The following DNAH5 variants were observed in gnomAD, a reference collection of about 807,000 sequenced individuals.
DNAH5 encodes dynein axonemal heavy chain 5.
Under a neutral mutation model 518.2 loss-of-function variants are expected in DNAH5, and 372 were observed. The observed-to-expected ratio is 0.72, with a 90% CI of 0.66 to 0.78. The LOEUF is 0.78. Among genes scored for constraint, DNAH5 ranks in the 30% least tolerant of loss-of-function variants. The pLI is 0.00. For missense variants in DNAH5, 5,523 were observed against 5,687.0 expected (o/e 0.97, Z 0.93); for synonymous variants, 2,039 against 2,025.9 (o/e 1.01, Z -0.17).
At position 13,913,776 on chromosome 5, in the gene DNAH5, A is replaced by G. The variant is rs3213936; in HGVS notation, c.1503T>C (p.Ile501=). The G allele has an allele frequency of 0.4, 638,064 of 1,612,792 alleles. 132,613 individuals are homozygous for G. Among genetic ancestry groups the G allele is most frequent in the East Asian group, 0.84 (37,748 of 44,830 alleles). ...KTYSVLQDST[I]EGLEDMATKY... ...TAGTGGCCATGTCTTCCAGCCCTTC[A>G]ATTGTGGAATCTTGCAGGACTGAAT... Residue 501 remains isoleucine (I), a synonymous_variant, in exon 11 of 79, where the codon ATT becomes ATC. Coordinates refer to ENST00000265104, the MANE Select transcript of DNAH5 (RefSeq NM_001369.3).
rs1763368057 is a variant in DNAH5 at position 13,829,618 on chromosome 5, C to A, written c.6336G>T (p.Gln2112His). ...TAGCCAACTTCACCCTTATGATAAT[C>A]TGACGGTCAGGCACCATCATGGCCA... ...RSVAMMVPDR[Q>H]IIIRVKLASC... Residue 2112 changes from glutamine (Q) to histidine (H), a missense_variant, in exon 38 of 79, where the codon CAG becomes CAT. Transcript: ENST00000265104. 1 of 1,614,090 alleles carries A rather than the reference C, an allele frequency of 6.2e-7. No individual in the cohort carries two copies. Among genetic ancestry groups the A allele is most frequent in the African/African-American group, 1.3e-5 (1 of 74,938 alleles).
intron 76 of DNAH5, among the ~76,000 whole-genome samples, chr5:13,704,874 T>G (rs1031656018): frequency 4.6e-5 from 7 of 151,122 alleles, no homozygotes; most frequent in Admixed American, 2.6e-4. Context: ...GAGGGTGGAG[T>G]GAGGAGGGAG....
intron 52 of DNAH5, among the ~76,000 whole-genome samples, chr5:13,781,632 A>C (rs972394775): frequency 6.6e-6 from 1 of 151,956 alleles, no homozygotes; most frequent in Non-Finnish European, 1.5e-5. Flanking sequence ...TCGCTTTTGC[A>C]TCTTCCTCAT....
At chr5:13,995,938 T>C (rs758350899) in intron 1 of DNAH5, among the ~76,000 whole-genome samples, 5 of 152,220 alleles carry the variant, frequency 3.3e-5, no homozygotes, top group African/African-American at 1.2e-4. Context: ...TTTACAGATT[T>C]GTACCCTACA....
At chr5:13,895,565 G>T (rs1489152969) in intron 15 of DNAH5, among the ~76,000 whole-genome samples, 2 of 152,264 alleles carry the variant, frequency 1.3e-5, no homozygotes, top group East Asian at 3.9e-4. Flanking sequence ...GGTCGCCAGA[G>T]GTCTACCTCA....
intron 15 of DNAH5, among the ~76,000 whole-genome samples, chr5:13,895,788 A>T (rs1773848910): frequency 6.6e-6 from 1 of 152,140 alleles, no homozygotes. Context: ...TATAGCAGAC[A>T]TTTCAAACTT....
intron 75 of DNAH5, among the ~76,000 whole-genome samples, chr5:13,708,642 T>A (rs1338501781): frequency 6.6e-6 from 1 of 152,096 alleles, no homozygotes; most frequent in Non-Finnish European, 1.5e-5. Context: ...ATTGGGAAAC[T>A]CCCTTTCTGA....
chr5:13,842,441 A>AGAGAGAGAGAGAGAGAGAGAG (rs1765349629), intron 32 of DNAH5, among the ~76,000 whole-genome samples: 2 of 102,070 alleles, frequency 2.0e-5, no homozygotes, highest in African/African-American at 8.6e-5. Context: ...GAAAGAAAGA[A>AGAGAGAGAGAGAGAGAGAGAG]AGAAAGAAAG....
intron 65 of DNAH5, among the ~76,000 whole-genome samples, chr5:13,750,371 C>T (rs1750042966): frequency 6.6e-6 from 1 of 152,218 alleles, no homozygotes; most frequent in Admixed American, 6.5e-5. Flanking sequence ...GCCTCACATA[C>T]TCCCTAAAGA....
Position 13,900,426 on chromosome 5 carries a change from C to G in DNAH5, c.2053-14G>C. On this transcript the variant is annotated splice_polypyrimidine_tract_variant and intron_variant, in intron 14 of 78. Transcript: ENST00000265104. ...AATTTCTTCAATCTGTGGGAAGAAA[C>G]CAACATCATTACTATCAGAAAGTTC... The G allele has an allele frequency of 6.2e-7, 1 of 1,604,222 alleles. No homozygotes were observed. The highest frequency in any genetic ancestry group is 8.5e-7 in the Non-Finnish European group (1 of 1,171,078).
intron 1 of DNAH5, among the ~76,000 whole-genome samples, chr5:13,986,389 AGG>A (rs1389861978): frequency 6.6e-5 from 10 of 152,184 alleles, no homozygotes; most frequent in African/African-American, 2.4e-4. Flanking sequence ...TTCACCCTAC[AGG>A]GTTGACTGGA....
intron 25 of DNAH5, 22 bp downstream of exon 25, chr5:13,867,748 GCACA>G (rs1769488725): frequency 6.4e-7 from 1 of 1,568,964 alleles, no homozygotes; most frequent in Non-Finnish European, 8.8e-7. Context: ...CCCCGAAAAC[GCACA>G]CAGAGAAAGC....
Position 13,919,228 on chromosome 5 carries a change from T to C in DNAH5, c.923A>G (p.Asp308Gly). 1 of 1,614,032 alleles carries C rather than the reference T, an allele frequency of 6.2e-7. No individual in the cohort carries two copies. The highest frequency in any genetic ancestry group is 8.5e-7 in the Non-Finnish European group (1 of 1,179,954). The stretch of plus-strand genomic sequence containing the variant: ...AAGCACTGCCAGCACAGCCTTCACA[T>C]CCGGGCTTTTCAATTGTTCCAAAAG... ...NYLLEQLKSP[D>G]VKAVLAVLAA... Residue 308 changes from aspartate (D) to glycine (G), a missense_variant, in exon 7 of 79, where the codon GAT becomes GGT. Coordinates refer to ENST00000265104, the MANE Select transcript of DNAH5 (RefSeq NM_001369.3).
At chr5:13,950,987 C>A (rs1780348698) in intron 1 of DNAH5, among the ~76,000 whole-genome samples, 1 of 152,100 alleles carries the variant, frequency 6.6e-6, no homozygotes, top group South Asian at 2.1e-4. Context: ...TATACAACCA[C>A]AATTAATTAG....
At chr5:13,862,437 A>G (rs1768583006) in intron 29 of DNAH5, 111 bp downstream of exon 29, 3 of 1,054,550 alleles carry the variant, frequency 2.8e-6, no homozygotes, top group Non-Finnish European at 4.2e-6. Context: ...AAGTATTTTC[A>G]ACATTGAGTA....
At chr5:14,008,473 A>T (rs1784886911) in intron 1 of DNAH5, among the ~76,000 whole-genome samples, 1 of 151,982 alleles carries the variant, frequency 6.6e-6, no homozygotes, top group Admixed American at 6.6e-5. Flanking sequence ...AAATACAAAA[A>T]AGTAGCAGGG....
At chr5:13,783,680 C>T (rs1755538662) in intron 52 of DNAH5, among the ~76,000 whole-genome samples, 1 of 152,148 alleles carries the variant, frequency 6.6e-6, no homozygotes. Context: ...ATACACTGTA[C>T]TGAAAGAAAA....
At chr5:13,702,555 G>A (rs1742251872) in intron 76 of DNAH5, among the ~76,000 whole-genome samples, 1 of 152,160 alleles carries the variant, frequency 6.6e-6, no homozygotes, top group South Asian at 2.1e-4. Context: ...TGGTTTGGTA[G>A]GGAAGGAACT....
intron 41 of DNAH5, among the ~76,000 whole-genome samples, chr5:13,819,493 A>C (rs1379288838): frequency 6.6e-6 from 1 of 152,122 alleles, no homozygotes; most frequent in Non-Finnish European, 1.5e-5. Flanking sequence ...GTAGCAGTGC[A>C]CTGAGGTTCC....
Sources: gnomAD v4.1 joint callset for allele counts (sites outside exome capture counted in the v4.1 genomes callset) on GRCh38, gnomAD v4.1.1 for gene constraint, MANE v1.5 for transcripts, NCBI Gene and HGNC (gene_info 2026-07-23, HGNC 2026-07-21) for gene names.